Variants in NSMAF observed in about 807,000 individuals in gnomAD.
NSMAF encodes protein FAN.
In NSMAF, 90 loss-of-function variants were observed where a neutral mutation model predicts 134.9. That is an observed-to-expected ratio of 0.67 (90% confidence interval 0.56 to 0.79). The LOEUF is 0.79. NSMAF is among the 30% of genes least tolerant of loss of function. The probability of loss-of-function intolerance (pLI) is 0.00; values close to 1 mark genes in which losing one functional copy is unlikely to be tolerated. For synonymous variants in NSMAF, 358 were observed against 389.6 expected, an observed-to-expected ratio of 0.92 and a Z score of 0.96; for missense variants, 1,010 against 1,119.0, an observed-to-expected ratio of 0.90 and a Z score of 1.39.
At chr8:58,633,230 T>C (rs1430596536) in intron 5 of NSMAF, among the ~76,000 whole-genome samples, 1 of 152,192 alleles carries the variant, frequency 6.6e-6, no homozygotes, top group Non-Finnish European at 1.5e-5. Flanking sequence ...CTCCCTTGAG[T>C]GTTCTCCTTG....
chr8:58,658,315 C>G (rs987669584), intron 1 of NSMAF, among the ~76,000 whole-genome samples: 2 of 152,188 alleles, frequency 1.3e-5, no homozygotes, highest in Non-Finnish European at 2.9e-5. Flanking sequence ...ATAAACAACC[C>G]TTTCTGTGAC....
intron 1 of NSMAF, among the ~76,000 whole-genome samples, chr8:58,644,842 A>C (rs1294179546): frequency 6.6e-6 from 1 of 152,194 alleles, no homozygotes. Context: ...GGAAACCATC[A>C]TTCTCAGCAA....
chr8:58,609,815 G>T, intron 9 of NSMAF, 82 bp from the exon 10 acceptor site: 1 of 1,269,346 alleles, frequency 7.9e-7, no homozygotes, highest in Non-Finnish European at 1.1e-6. Context: ...GCTACAGTGT[G>T]ACTTTCTATG....
Position 58,659,717 on chromosome 8 carries a change from G to A in NSMAF, c.-86C>T, listed in dbSNP as rs977307285. ...AGGTCCGGAGGAGCCGGGGAGGGCG[G>A]GATTGGTGGCCGGCTGGGGAGCGCG... On this transcript the variant is annotated 5_prime_UTR_variant, in exon 1 of 31. Transcript: ENST00000038176. The A allele has an allele frequency of 5.3e-6, 6 of 1,129,488 alleles. No homozygotes were observed. The highest frequency in any genetic ancestry group is 5.7e-6 in the Non-Finnish European group (5 of 877,576). The allele number at this position is 1,129,488 out of a possible 1,614,324, so 70.0% of individuals were successfully genotyped here. A position where few individuals can be genotyped will look rare whatever the true frequency, so the allele number is the denominator to read the frequency against.
intron 9 of NSMAF, among the ~76,000 whole-genome samples, chr8:58,615,458 A>C (rs999633721): frequency 6.6e-6 from 1 of 152,230 alleles, no homozygotes; most frequent in African/African-American, 2.4e-5. Context: ...CTGAACAAAT[A>C]TCAAAAGACT....
chr8:58,645,730 G>A (rs1216123231), intron 1 of NSMAF, among the ~76,000 whole-genome samples: 1 of 152,070 alleles, frequency 6.6e-6, no homozygotes, highest in East Asian at 1.9e-4. Context: ...CATAACACCA[G>A]AAGAGATGCT....
At chr8:58,622,202 A>T (rs746401566) in intron 9 of NSMAF, among the ~76,000 whole-genome samples, 31 of 152,264 alleles carry the variant, frequency 2.0e-4, no homozygotes, top group Non-Finnish European at 3.7e-4. Context: ...CGGGCAGGTG[A>T]TATGATCAAA....
intron 30 of NSMAF, among the ~76,000 whole-genome samples, chr8:58,585,415 T>A (rs1438697410): frequency 6.6e-6 from 1 of 152,010 alleles, no homozygotes; most frequent in East Asian, 1.9e-4. Flanking sequence ...TAATTCTCCA[T>A]ATGAAAGTTA....
At chr8:58,606,214 GTA>G (rs146075702) in intron 11 of NSMAF, among the ~76,000 whole-genome samples, 179 bp from the exon 12 acceptor site, 32 of 150,634 alleles carry the variant, frequency 2.1e-4, no homozygotes, top group South Asian at 6.3e-4. Flanking sequence ...ATACGTTTGC[GTA>G]TATATATATA....
chr8:58,585,260 G>C (rs528731078), intron 30 of NSMAF, among the ~76,000 whole-genome samples: 1 of 151,182 alleles, frequency 6.6e-6, no homozygotes, highest in Admixed American at 6.6e-5. Context: ...GGAGGTAGGA[G>C]TCAGCGGTAG....
intron 5 of NSMAF, 113 bp downstream of exon 5, chr8:58,635,076 C>T (rs1807138453): frequency 2.5e-6 from 2 of 804,860 alleles, no homozygotes; most frequent in Non-Finnish European, 2.0e-6. Flanking sequence ...ATTCTAAAAG[C>T]ATTTGATTTC....
At chr8:58,637,080 A>G (rs1807193489) in intron 2 of NSMAF, among the ~76,000 whole-genome samples, 1 of 152,182 alleles carries the variant, frequency 6.6e-6, no homozygotes, top group South Asian at 2.1e-4. Flanking sequence ...TTACGTACTC[A>G]TGAATTTTAA....
chr8:58,628,927 G>A (rs931357620), intron 6 of NSMAF, among the ~76,000 whole-genome samples: 6 of 152,026 alleles, frequency 3.9e-5, no homozygotes, highest in African/African-American at 1.4e-4. Context: ...ATTTTGTGGG[G>A]GCTTTCTTCT....
chr8:58,624,738 C>T lies in NSMAF; in HGVS notation c.385-958G>A, dbSNP rs72647454. On this transcript the variant is annotated intron_variant, in intron 6 of 30. Transcript: ENST00000038176. ...TATTCTGCTGCTGTTGGGTAGAAAG[C>T]TCTGCATATCTGTTAGGTCCATTGG... Among the ~76,000 whole-genome samples, 911 of 152,292 alleles carry T rather than the reference C, an allele frequency of 6.0e-3. 3 individuals carry two copies. Among genetic ancestry groups the T allele is most frequent in the Admixed American group, 0.013 (201 of 15,288 alleles).
intron 6 of NSMAF, among the ~76,000 whole-genome samples, chr8:58,626,590 G>T (rs187727899): frequency 6.6e-6 from 1 of 152,162 alleles, no homozygotes; most frequent in East Asian, 1.9e-4. Flanking sequence ...ATATATATAG[G>T]ACTTTTTCCA....
chr8:58,584,928 C>T (rs1376164339), intron 30 of NSMAF, among the ~76,000 whole-genome samples: 1 of 152,160 alleles, frequency 6.6e-6, no homozygotes, highest in African/African-American at 2.4e-5. Flanking sequence ...GAGCCTGGCC[C>T]AGACTTTTTA....
rs114872292 is a variant in NSMAF at position 58,659,270 on chromosome 8, C to G, written c.59+303G>C. 10 of 1,511,636 alleles carry G rather than the reference C, an allele frequency of 6.6e-6. No individual in the cohort carries two copies. In the South Asian group the frequency reaches 1.2e-4, roughly 19 times the overall value. 93.6% of individuals were successfully genotyped at this position (1,511,636 alleles called of 1,614,324 possible). On this transcript the variant is annotated intron_variant, in intron 1 of 30. Transcript: ENST00000038176. ...CGCGCGGCCTTCCGGGTGAGCTGCC[C>G]GCGGCCGCCGGGACCTGCACTGCCG...
intron 6 of NSMAF, among the ~76,000 whole-genome samples, chr8:58,629,649 T>C (rs1213791191): frequency 6.6e-6 from 1 of 151,998 alleles, no homozygotes; most frequent in African/African-American, 2.4e-5. Context: ...ACAAAAACAA[T>C]TACCTCTCCA....
chr8:58,599,969 C>A lies in NSMAF; in HGVS notation c.1332+1G>T, dbSNP rs757267673. On this transcript the variant is annotated splice_donor_variant, in intron 17 of 30. Coordinates refer to ENST00000038176, the MANE Select transcript of NSMAF (RefSeq NM_003580.4). LOFTEE classifies it high-confidence loss of function. ...ACTCATCAGCTTTATTAACTGCTTA[C>A]CTCTTTAAAATCCGTTGCACCATCC... 4.3e-6 allele frequency: 7 copies of A among 1,613,968 alleles called. No individual in the cohort carries two copies. The highest frequency in any genetic ancestry group is 5.9e-6 in the Non-Finnish European group (7 of 1,179,886).
Sources: gnomAD v4.1 joint callset for allele counts (sites outside exome capture counted in the v4.1 genomes callset) on GRCh38, gnomAD v4.1.1 for gene constraint, MANE v1.5 for transcripts, NCBI Gene and HGNC (gene_info 2026-07-23, HGNC 2026-07-21) for gene names.